The following EFL1 variants were observed in gnomAD, a reference collection of about 807,000 sequenced individuals.
EFL1 encodes elongation factor like GTPase 1.
Under a neutral mutation model 126.7 loss-of-function variants are expected in EFL1, and 76 were observed. The ratio of observed to expected loss-of-function variants is 0.60; its 90% CI spans 0.50 to 0.73. EFL1 has a LOEUF of 0.73. Among genes scored for constraint, EFL1 ranks in the 30% least tolerant of loss-of-function variants. The pLI, the probability that EFL1 is intolerant of heterozygous loss-of-function variation, is 0.00. For synonymous variants in EFL1, 410 were observed against 448.4 expected, an observed-to-expected ratio of 0.91 and a Z score of 1.08; for missense variants, 1,128 against 1,343.2, an observed-to-expected ratio of 0.84 and a Z score of 2.50.
intron 3 of EFL1, among the ~76,000 whole-genome samples, chr15:82,257,305 G>GT (rs2075074846): frequency 6.6e-6 from 1 of 151,982 alleles, no homozygotes; most frequent in South Asian, 2.1e-4. Flanking sequence ...TTCTTTCTGG[G>GT]TATCACATAT....
At chr15:82,134,249 T>A (rs1337767766) in intron 19 of EFL1, among the ~76,000 whole-genome samples, 1 of 152,128 alleles carries the variant, frequency 6.6e-6, no homozygotes, top group Non-Finnish European at 1.5e-5. Flanking sequence ...CGAGGCTGGT[T>A]TTGAATTTCC....
At chr15:82,220,649 G>A (rs1185385114) in intron 12 of EFL1, among the ~76,000 whole-genome samples, 1 of 152,156 alleles carries the variant, frequency 6.6e-6, no homozygotes, top group African/African-American at 2.4e-5. Context: ...GTCAGGATGA[G>A]TACTGGCAAT....
At chr15:82,226,910 G>A (rs1406646851) in intron 11 of EFL1, among the ~76,000 whole-genome samples, 1 of 152,194 alleles carries the variant, frequency 6.6e-6, no homozygotes, top group Non-Finnish European at 1.5e-5. Flanking sequence ...GCAGAAGCAA[G>A]GGAATGAAAG....
At chr15:82,246,870 G>A (rs1596007735) in intron 4 of EFL1, among the ~76,000 whole-genome samples, 1 of 152,128 alleles carries the variant, frequency 6.6e-6, no homozygotes, top group South Asian at 2.1e-4. Flanking sequence ...TAGGTATTGG[G>A]AAGAATGAGC....
At chr15:82,217,105 C>G (rs1414214587) in intron 14 of EFL1, among the ~76,000 whole-genome samples, 3 of 151,868 alleles carry the variant, frequency 2.0e-5, no homozygotes, top group African/African-American at 7.3e-5. Flanking sequence ...TAAACTAAAA[C>G]TGCAAAATAC....
At chr15:82,262,134 T>A (rs2075130026) in intron 1 of EFL1, 1 of 188,208 alleles carries the variant, frequency 5.3e-6, no homozygotes, top group African/African-American at 2.3e-5. Context: ...AATGACCACG[T>A]ACAGGAAGGG....
chr15:82,156,441 C>A (rs1220291724), intron 17 of EFL1, among the ~76,000 whole-genome samples: 1 of 152,286 alleles, frequency 6.6e-6, no homozygotes, highest in South Asian at 2.1e-4. Flanking sequence ...CACGCCACCA[C>A]ATCCAGCTAA....
At chr15:82,219,986 A>G in intron 13 of EFL1, 92 bp downstream of exon 13, 1 of 1,507,250 alleles carries the variant, frequency 6.6e-7, no homozygotes, top group Non-Finnish European at 8.9e-7. Context: ...CTACGATTAA[A>G]GCTTAAAAAT....
chr15:82,143,105 T>C (rs1469868866), intron 18 of EFL1, among the ~76,000 whole-genome samples: 1 of 152,210 alleles, frequency 6.6e-6, no homozygotes, highest in Non-Finnish European at 1.5e-5. Context: ...GGAAAGGGAA[T>C]AGTTGTCCAC....
At chr15:82,193,000 T>A (rs984091568) in intron 15 of EFL1, among the ~76,000 whole-genome samples, 1 of 152,234 alleles carries the variant, frequency 6.6e-6, no homozygotes, top group Non-Finnish European at 1.5e-5. Flanking sequence ...ACTGTTATTT[T>A]GACACTTCTT....
At chr15:82,176,389 A>G (rs2074196579) in intron 15 of EFL1, among the ~76,000 whole-genome samples, 1 of 152,246 alleles carries the variant, frequency 6.6e-6, no homozygotes, top group African/African-American at 2.4e-5. Flanking sequence ...ACATCATTAG[A>G]TGGCAGAAAG....
At chr15:82,219,871 A>T (rs757308507) in intron 13 of EFL1, 53 bp from the exon 14 acceptor site, 8 of 1,562,822 alleles carry the variant, frequency 5.1e-6, no homozygotes, top group Non-Finnish European at 6.0e-6. Context: ...TAATTCAAGA[A>T]CTGTCTGAAA....
chr15:82,239,645 T>C (rs1407868343), intron 6 of EFL1, among the ~76,000 whole-genome samples: 7 of 152,208 alleles, frequency 4.6e-5, no homozygotes, highest in African/African-American at 1.7e-4. Context: ...TCCCATCTCT[T>C]GTAACTGTTG....
intron 15 of EFL1, among the ~76,000 whole-genome samples, chr15:82,205,039 G>A (rs2074509986): frequency 6.6e-6 from 1 of 152,204 alleles, no homozygotes; most frequent in South Asian, 2.1e-4. Context: ...GAGTTTGCAG[G>A]AGGTGGCTCT....
At chr15:82,232,075 T>G (rs1220725560) in intron 7 of EFL1, among the ~76,000 whole-genome samples, 2 of 152,146 alleles carry the variant, frequency 1.3e-5, no homozygotes, top group Non-Finnish European at 1.5e-5. Flanking sequence ...GCCATGCAGA[T>G]TTGCAAATCC....
Position 82,151,685 on chromosome 15 carries a change from A to C in EFL1, c.2769T>G (p.Gly923=). ...CTTGTAGCTCTTGGTTTTCATTTCC[A>C]CCAGAACAGGTTTCATTTTCCTCCT... ...EGQEENETCS[G]GNENQELQDG... The change falls in exon 18 of 20, where the codon GGT becomes GGG. Residue 923 remains glycine, a synonymous_variant. Coordinates refer to ENST00000268206, the MANE Select transcript of EFL1 (RefSeq NM_024580.6). 6.2e-7 allele frequency: 1 copy of C among 1,614,022 alleles called. No individual in the cohort carries two copies. The highest frequency in any genetic ancestry group is 1.1e-5 in the South Asian group (1 of 91,060).
intron 15 of EFL1, among the ~76,000 whole-genome samples, chr15:82,170,249 G>A (rs2074120834): frequency 6.6e-6 from 1 of 150,524 alleles, no homozygotes; most frequent in Non-Finnish European, 1.5e-5. Context: ...CAAGTAGCTG[G>A]GACTACAGGC....
intron 18 of EFL1, 63 bp from the exon 19 acceptor site, chr15:82,138,905 A>T (rs1215084880): frequency 1.4e-6 from 2 of 1,466,720 alleles, no homozygotes; most frequent in Non-Finnish European, 1.9e-6. Flanking sequence ...ACACCAAGAC[A>T]TGATTACCCA....
intron 15 of EFL1, among the ~76,000 whole-genome samples, chr15:82,197,122 A>G (rs2141277474): frequency 6.6e-6 from 1 of 152,300 alleles, no homozygotes; most frequent in South Asian, 2.1e-4. Flanking sequence ...TAAACTGTTT[A>G]GAAAGTGAAA....
Sources: allele counts gnomAD v4.1 joint callset (sites outside exome capture counted in the v4.1 genomes callset), GRCh38; gene constraint gnomAD v4.1.1; transcripts MANE v1.5; gene names NCBI Gene and HGNC (gene_info 2026-07-23, HGNC 2026-07-21).